The following CDCP1 variants were observed in gnomAD, a reference collection of about 807,000 sequenced individuals.
CDCP1 encodes the protein CUB domain containing protein 1.
CDCP1 carries 29 observed loss-of-function variants against 60.2 expected under a neutral mutation model. That is an observed-to-expected ratio of 0.48 (90% CI 0.36 to 0.66). The LOEUF is 0.66. Ranked by LOEUF, CDCP1 falls within the 30% of genes least tolerant of loss-of-function variation. CDCP1 has a pLI of 0.00. For missense variants in CDCP1, 876 were observed against 1,074.3 expected (o/e 0.82, Z 2.58); for synonymous variants, 387 against 431.1 (o/e 0.90, Z 1.27).
chr3:45,126,203 T>TTCCC (rs1698996117), intron 1 of CDCP1, among the ~76,000 whole-genome samples: 1 of 134,364 alleles, frequency 7.4e-6, no homozygotes, highest in Non-Finnish European at 1.6e-5. Flanking sequence ...TCTTTCTTTC[T>TTCCC]TTCCTTCCTT....
At position 45,110,714 on chromosome 3, in the gene CDCP1, C is replaced by A. The variant is rs1041938559; in HGVS notation, c.783G>T (p.Arg261=). ...TGAAGTTGAGGAAGGAGACGCTGGCCCGCAGGTGTGCAGGAACGACAAACT... is the reference window on the plus strand; with the variant it reads ...TGAAGTTGAGGAAGGAGACGCTGGCACGCAGGTGTGCAGGAACGACAAACT... ...TWQFVVPAHL[R]ASVSFLNFNL... Residue 261 remains arginine, a synonymous_variant, in exon 4 of 9, where the codon CGG becomes CGT. Transcript: ENST00000296129. 6.2e-7 allele frequency: 1 copy of A among 1,614,076 alleles called. No homozygotes were observed. Among genetic ancestry groups the A allele is most frequent in the Non-Finnish European group, 8.5e-7 (1 of 1,180,056 alleles).
At chr3:45,107,574 C>T (rs1043923185) in intron 4 of CDCP1, among the ~76,000 whole-genome samples, 14 of 152,106 alleles carry the variant, frequency 9.2e-5, no homozygotes, top group South Asian at 2.1e-4. Flanking sequence ...ATTTAAAGAG[C>T]GCTCACTACC....
In CDCP1 at chr3:45,085,307, C is replaced by T; in HGVS notation, c.*331G>A. The T allele has an allele frequency of 4.1e-6, 1 of 243,586 alleles. No individual in the cohort carries two copies. Among genetic ancestry groups the T allele is most frequent in the Non-Finnish European group, 7.9e-6 (1 of 125,946 alleles). The allele number at this position is 243,586 out of a possible 1,614,324, so 15.1% of individuals were successfully genotyped here. On this transcript the variant is annotated 3_prime_UTR_variant, in exon 9 of 9. Coordinates refer to ENST00000296129, the MANE Select transcript of CDCP1 (RefSeq NM_022842.5). This position sits in a 1 kb window ranked among gnomAD's most constrained non-coding sequence, Gnocchi z 4.2. ...AACTGTTGTCCTGAAGAGGGCAAGC[C>T]TCTGTTTAACACTCTGAATCCAGGG...
chr3:45,092,269 G>A (rs949257370), intron 6 of CDCP1, among the ~76,000 whole-genome samples: 12 of 152,202 alleles, frequency 7.9e-5, no homozygotes, highest in African/African-American at 2.7e-4. Context: ...CTTCCCTTCA[G>A]AAATGCTCTC....
chr3:45,125,342 G>A (rs1187964832), intron 1 of CDCP1, among the ~76,000 whole-genome samples: 8 of 152,164 alleles, frequency 5.3e-5, no homozygotes, highest in Non-Finnish European at 1.0e-4. Context: ...GCAGCTTGGT[G>A]TGGTGGTGAA....
In CDCP1 at chr3:45,082,852, T is replaced by C. The variant is rs905997710; in HGVS notation, c.*2786A>G. ...TTCACTGTTTCCAGTGACCCTGAAA[T>C]GTTTTACGTAAGTGGGGCCTGGGCT... On this transcript the variant is annotated 3_prime_UTR_variant, in exon 9 of 9. Transcript: ENST00000296129. 2 of 152,142 alleles carry C rather than the reference T, an allele frequency of 1.3e-5. No homozygotes were observed. The highest frequency in any genetic ancestry group is 1.5e-5 in the Non-Finnish European group (1 of 68,026). 9.4% of individuals were successfully genotyped at this position (152,142 alleles called of 1,614,324 possible). A position where few individuals can be genotyped will look rare whatever the true frequency, so the allele number is the denominator to read the frequency against.
intron 4 of CDCP1, among the ~76,000 whole-genome samples, chr3:45,106,192 G>A (rs1297144355): frequency 6.6e-6 from 1 of 152,156 alleles, no homozygotes; most frequent in African/African-American, 2.4e-5. Flanking sequence ...TAGGTTCAAG[G>A]TAACACCTGT....
chr3:45,129,069 A>G (rs1559399727), intron 1 of CDCP1, among the ~76,000 whole-genome samples: 1 of 152,260 alleles, frequency 6.6e-6, no homozygotes, highest in Non-Finnish European at 1.5e-5. Context: ...CAATGCTAGC[A>G]GTTCACTGTC....
At chr3:45,087,158 A>G (rs931894300) in intron 8 of CDCP1, among the ~76,000 whole-genome samples, 2 of 151,912 alleles carry the variant, frequency 1.3e-5, no homozygotes, top group African/African-American at 4.8e-5. Flanking sequence ...AGATTGTCTC[A>G]CTCATCATTG....
At chr3:45,133,537 T>C (rs57359002) in intron 1 of CDCP1, among the ~76,000 whole-genome samples, 1 of 6,478 alleles carries the variant, frequency 1.5e-4, no homozygotes, top group African/African-American at 3.5e-4. Context: ...GCTAACACGG[T>C]GAAACCCCGT....
At position 45,135,399 on chromosome 3, in the gene CDCP1, A is replaced by C. The variant is rs188588410; in HGVS notation, c.82+10807T>G. Among the ~76,000 whole-genome samples the C allele has an allele frequency of 2.0e-5, 3 of 152,298 alleles. No individual in the cohort carries two copies. The East Asian group carries it at 5.8e-4, about 29-fold the overall frequency. On this transcript the variant is annotated intron_variant, in intron 1 of 8. Coordinates refer to ENST00000296129, the MANE Select transcript of CDCP1 (RefSeq NM_022842.5). ...CTTCCTTACAGTAGAAGTTGGCCCT[A>C]CTGCTAACAGCTATTGTCAAGGGAG...
intron 1 of CDCP1, among the ~76,000 whole-genome samples, chr3:45,126,970 T>C (rs972882078): frequency 1.3e-5 from 2 of 152,176 alleles, no homozygotes; most frequent in Non-Finnish European, 2.9e-5. Context: ...GCCCGGGGCA[T>C]GATAAATGAC....
chr3:45,093,248 G>C, intron 6 of CDCP1, 29 bp downstream of exon 6: 1 of 1,596,056 alleles, frequency 6.3e-7, no homozygotes, highest in African/African-American at 1.3e-5. Flanking sequence ...AAACTAAAGG[G>C]GCATGGAGAT....
chr3:45,121,774 A>T (rs1698891022), intron 1 of CDCP1, among the ~76,000 whole-genome samples: 1 of 152,212 alleles, frequency 6.6e-6, no homozygotes, highest in African/African-American at 2.4e-5. Context: ...CCTTGTATAC[A>T]AATGCCAAAA....
intron 2 of CDCP1, among the ~76,000 whole-genome samples, chr3:45,115,721 T>A (rs1205979346): frequency 6.6e-6 from 1 of 152,100 alleles, no homozygotes; most frequent in Non-Finnish European, 1.5e-5. Context: ...TAAATTTTTT[T>A]AAGACAAATT....
chr3:45,112,512 A>G, intron 2 of CDCP1, 67 bp from the exon 3 acceptor site: 2 of 1,562,992 alleles, frequency 1.3e-6, no homozygotes, highest in East Asian at 2.2e-5. Flanking sequence ...CTCCTCCTCC[A>G]CCACTCAGCC....
At chr3:45,107,395 A>G (rs1052803902) in intron 4 of CDCP1, among the ~76,000 whole-genome samples, 3 of 151,788 alleles carry the variant, frequency 2.0e-5, no homozygotes, top group Admixed American at 1.3e-4. Context: ...TTTAGTAGAG[A>G]TGGGGTTTCA....
At chr3:45,107,477 A>G (rs1698586975) in intron 4 of CDCP1, among the ~76,000 whole-genome samples, 1 of 151,988 alleles carries the variant, frequency 6.6e-6, no homozygotes, top group South Asian at 2.1e-4. Context: ...AAGTGCTGGG[A>G]TTACAGTCAT....
At chr3:45,114,104 T>G (rs181927038) in intron 2 of CDCP1, among the ~76,000 whole-genome samples, 15 of 152,350 alleles carry the variant, frequency 9.8e-5, no homozygotes, top group Non-Finnish European at 4.4e-5. Context: ...GATTTAATTC[T>G]ATAGTAAAAT....
Sources: allele counts gnomAD v4.1 joint callset (sites outside exome capture counted in the v4.1 genomes callset), GRCh38; gene constraint gnomAD v4.1.1; non-coding constraint Gnocchi (gnomAD v3.1); transcripts MANE v1.5; gene names NCBI Gene and HGNC (gene_info 2026-07-23, HGNC 2026-07-21).